Variants in CLYBL observed in about 807,000 individuals in gnomAD.
CLYBL encodes citramalyl-CoA lyase, also known as citramalyl-CoA lyase, mitochondrial.
A neutral mutation model predicts 38.9 loss-of-function variants in CLYBL; 31 were observed. The ratio of observed to expected loss-of-function variants is 0.80; its 90% confidence interval spans 0.60 to 1.08. The LOEUF (loss-of-function observed/expected upper bound fraction) is 1.08, where lower values mean the gene tolerates loss of function less well. Ranked by LOEUF, CLYBL falls within the 50% of genes least tolerant of loss-of-function variation. CLYBL has a pLI of 0.00. For missense variants in CLYBL, 434 were observed against 411.6 expected, an observed-to-expected ratio of 1.05 and a Z score of -0.47; for synonymous variants, 171 against 158.6, an observed-to-expected ratio of 1.08 and a Z score of -0.59.
chr13:99,648,988 A>C (rs1382355170), intron 1 of CLYBL, among the ~76,000 whole-genome samples: 2 of 152,054 alleles, frequency 1.3e-5, no homozygotes, highest in Non-Finnish European at 2.9e-5. Flanking sequence ...CAGGAGATGT[A>C]AATTAATAAA....
chr13:99,834,108 C>T (rs1040980898), intron 2 of CLYBL, among the ~76,000 whole-genome samples: 5 of 152,080 alleles, frequency 3.3e-5, no homozygotes, highest in Non-Finnish European at 5.9e-5. Flanking sequence ...CAGTGGGAGG[C>T]AGAACAAAGC....
intron 2 of CLYBL, among the ~76,000 whole-genome samples, chr13:99,819,313 C>G (rs1278458176): frequency 1.3e-5 from 2 of 149,172 alleles, no homozygotes; most frequent in East Asian, 2.0e-4. Flanking sequence ...CCACTGCACT[C>G]CAGTCTGGGT....
intron 1 of CLYBL, among the ~76,000 whole-genome samples, chr13:99,653,989 A>G (rs977612788): frequency 6.6e-6 from 1 of 152,206 alleles, no homozygotes; most frequent in African/African-American, 2.4e-5. Flanking sequence ...TGCAGGGCTG[A>G]TAACGATGGC....
At chr13:99,699,444 A>G (rs2048028063) in intron 1 of CLYBL, among the ~76,000 whole-genome samples, 1 of 152,138 alleles carries the variant, frequency 6.6e-6, no homozygotes, top group African/African-American at 2.4e-5. Context: ...CTGTAATCTC[A>G]GCACTTTGGG....
intron 1 of CLYBL, among the ~76,000 whole-genome samples, chr13:99,684,048 T>TTTTTTGTA (rs1194407188): frequency 7.0e-6 from 1 of 142,964 alleles, no homozygotes; most frequent in Admixed American, 7.0e-5. Flanking sequence ...TTTTTTTTTT[T>TTTTTTGTA]TTTTTGTATT....
intron 1 of CLYBL, among the ~76,000 whole-genome samples, chr13:99,677,026 C>T (rs1172358518): frequency 6.6e-6 from 1 of 151,818 alleles, no homozygotes; most frequent in African/African-American, 2.4e-5. Flanking sequence ...CAAATTGTCC[C>T]CTTTTTTTCC....
rs1395891769 is a variant in CLYBL, at chr13:99,869,572, A to T, written c.803-1366A>T. Among the ~76,000 whole-genome samples, 1 of 152,176 alleles carries T rather than the reference A, an allele frequency of 6.6e-6. No homozygotes were observed. Among genetic ancestry groups the T allele is most frequent in the African/African-American group, 2.4e-5 (1 of 41,468 alleles). ...TTTTATTAGTATGCTGACAGAAAAG[A>T]ATGAAATAGCAATGTGAGGATGTTT... On this transcript the variant is annotated intron_variant, in intron 6 of 8. Transcript: ENST00000339105. This position sits in a 1 kb window ranked among gnomAD's most constrained non-coding sequence, Gnocchi z 4.3.
chr13:99,636,418 G>A (rs1010558005), intron 1 of CLYBL, among the ~76,000 whole-genome samples: 3 of 152,214 alleles, frequency 2.0e-5, no homozygotes, highest in Non-Finnish European at 4.4e-5. Context: ...GGGACCTGGT[G>A]AGCCTGTCTT....
In CLYBL at chr13:99,867,072, T is replaced by G. The variant is rs575610381; in HGVS notation, c.802+665T>G. Among the ~76,000 whole-genome samples, 6 of 152,256 alleles carry G rather than the reference T, an allele frequency of 3.9e-5. No individual in the cohort carries two copies. In the South Asian group the frequency reaches 1.2e-3, roughly 32 times the overall value. On this transcript the variant is annotated intron_variant, in intron 6 of 8. Transcript: ENST00000339105. The stretch of plus-strand genomic sequence containing the variant: ...CCAGGGGAGCAACAGAAAATTGTGT[T>G]TTTACAACAGAGATCTATTTTTCGA...
chr13:99,725,415 TG>T (rs1041800119), intron 1 of CLYBL, among the ~76,000 whole-genome samples: 1 of 152,156 alleles, frequency 6.6e-6, no homozygotes, highest in African/African-American at 2.4e-5. Context: ...GAGCTTTCAC[TG>T]GGGCTGTTGT....
intron 1 of CLYBL, among the ~76,000 whole-genome samples, chr13:99,631,111 C>T (rs1413580255): frequency 6.6e-6 from 1 of 152,130 alleles, no homozygotes; most frequent in Non-Finnish European, 1.5e-5. Context: ...TACTTGAGCT[C>T]AGGAGTTCGA....
At chr13:99,841,314 G>C (rs1225613035) in intron 2 of CLYBL, among the ~76,000 whole-genome samples, 1 of 152,056 alleles carries the variant, frequency 6.6e-6, no homozygotes, top group East Asian at 1.9e-4. Context: ...AAAGTAATAC[G>C]TTTTCCTCAC....
chr13:99,837,093 T>C (rs2050957775), intron 2 of CLYBL, among the ~76,000 whole-genome samples: 1 of 151,974 alleles, frequency 6.6e-6, no homozygotes, highest in African/African-American at 2.4e-5. Flanking sequence ...ATGCATATCA[T>C]TGTCTTCCTG....
intron 2 of CLYBL, among the ~76,000 whole-genome samples, chr13:99,819,092 T>C (rs1475307660): frequency 6.6e-6 from 1 of 152,104 alleles, no homozygotes; most frequent in African/African-American, 2.4e-5. Context: ...ACACCTGTAA[T>C]TCCAGCACTT....
chr13:99,641,076 A>G (rs1416050752), intron 1 of CLYBL, among the ~76,000 whole-genome samples: 1 of 152,262 alleles, frequency 6.6e-6, no homozygotes, highest in African/African-American at 2.4e-5. Flanking sequence ...AGTATGTAAC[A>G]GTTTTCTATT....
chr13:99,696,840 GA>G (rs945766634), intron 1 of CLYBL, among the ~76,000 whole-genome samples: 1 of 151,774 alleles, frequency 6.6e-6, no homozygotes, highest in Non-Finnish European at 1.5e-5. Flanking sequence ...AATTTAAAAA[GA>G]AAAAGATGAA....
chr13:99,903,525 T>G (rs2052664169), intron 8 of CLYBL, among the ~76,000 whole-genome samples: 1 of 152,348 alleles, frequency 6.6e-6, no homozygotes, highest in Middle Eastern at 3.4e-3. Flanking sequence ...TTCTTTTTGA[T>G]CCTTTCGATT....
At chr13:99,650,010 T>C (rs1654664244) in intron 1 of CLYBL, among the ~76,000 whole-genome samples, 1 of 152,104 alleles carries the variant, frequency 6.6e-6, no homozygotes, top group South Asian at 2.1e-4. Context: ...ACACCTGTAA[T>C]CCCAGCACTT....
intron 7 of CLYBL, chr13:99,885,097 G>A (rs749350819): frequency 4.9e-5 from 26 of 530,192 alleles, no homozygotes; most frequent in South Asian, 3.7e-4. Flanking sequence ...CAGGTCCTGG[G>A]AGTCAAAGGT....
Sources: allele counts gnomAD v4.1 joint callset (sites outside exome capture counted in the v4.1 genomes callset), GRCh38; gene constraint gnomAD v4.1.1; non-coding constraint Gnocchi (gnomAD v3.1); transcripts MANE v1.5; gene names NCBI Gene and HGNC (gene_info 2026-07-23, HGNC 2026-07-21).